The following GALNT13 variants were observed in gnomAD, a reference collection of about 807,000 sequenced individuals.
The protein encoded by GALNT13 is polypeptide N-acetylgalactosaminyltransferase 13, also known as UDP-GalNAc:polypeptide N-acetylgalactosaminyltransferase 13.
In GALNT13, 28 loss-of-function variants were observed where a neutral mutation model predicts 64.2. That is an observed-to-expected ratio of 0.44 (90% CI 0.32 to 0.60). GALNT13 has a LOEUF of 0.60. Ranked by LOEUF, GALNT13 falls within the 20% of genes least tolerant of loss-of-function variation. GALNT13 has a pLI of 0.05. For missense variants in GALNT13, 577 were observed against 669.8 expected, an observed-to-expected ratio of 0.86 and a Z score of 1.53; for synonymous variants, 214 against 224.6, an observed-to-expected ratio of 0.95 and a Z score of 0.42.
chr2:153,400,801 T>C, the GALNT13 span, among the ~76,000 whole-genome samples: 1 of 152,180 alleles, frequency 6.6e-6, no homozygotes, highest in African/African-American at 2.4e-5. Context: ...TTGTGTCTAT[T>C]TGATTCTTCT....
chr2:154,431,032 G>A lies in GALNT13; in HGVS notation c.1396-7560G>A, dbSNP rs537517920. Among the ~76,000 whole-genome samples the A allele has an allele frequency of 4.6e-5, 7 of 152,232 alleles. No individual in the cohort carries two copies. The South Asian group carries it at 1.5e-3, about 32-fold the overall frequency. ...GGGAACAAAAAAATTCATGTGCCTT[G>A]CTTTAAATGCGATACTTGTTTTATT... On this transcript the variant is annotated intron_variant, in intron 11 of 12. Coordinates refer to ENST00000392825, the MANE Select transcript of GALNT13 (RefSeq NM_052917.4).
the GALNT13 span, among the ~76,000 whole-genome samples, chr2:153,490,469 C>T: frequency 1.3e-5 from 2 of 152,132 alleles, no homozygotes; most frequent in East Asian, 1.9e-4. Flanking sequence ...CAACCTCTGC[C>T]TCCCAGGCTA....
intron 8 of GALNT13, among the ~76,000 whole-genome samples, chr2:154,299,455 C>CT (rs1188035624): frequency 0.17 from 22,293 of 131,536 alleles, 2,589 homozygotes; most frequent in East Asian, 0.29. Context: ...CAATGAAATA[C>CT]TTTTTTTTTT....
intron 3 of GALNT13, among the ~76,000 whole-genome samples, chr2:154,115,886 T>C (rs1282314715): frequency 6.6e-6 from 1 of 152,100 alleles, no homozygotes; most frequent in Non-Finnish European, 1.5e-5. Context: ...TTTCTGCTTA[T>C]ATATATTAGA....
the GALNT13 span, among the ~76,000 whole-genome samples, chr2:153,219,106 A>T: frequency 6.6e-6 from 1 of 152,232 alleles, no homozygotes; most frequent in Admixed American, 6.5e-5. Flanking sequence ...ATGGCCACCC[A>T]GTAAGATAAT....
the GALNT13 span, among the ~76,000 whole-genome samples, chr2:153,601,214 C>T: frequency 0.48 from 72,174 of 150,560 alleles, 18,537 homozygotes; most frequent in African/African-American, 0.66. Flanking sequence ...TAGAAACTTA[C>T]TTTCTGAATT....
the GALNT13 span, among the ~76,000 whole-genome samples, chr2:153,121,166 A>G: frequency 1.3e-5 from 2 of 152,222 alleles, no homozygotes; most frequent in African/African-American, 4.8e-5. Context: ...GTGTGCTGCA[A>G]GATAGACTTT....
At chr2:153,274,145 G>A in the GALNT13 span, among the ~76,000 whole-genome samples, 1 of 152,176 alleles carries the variant, frequency 6.6e-6, no homozygotes, top group African/African-American at 2.4e-5. Context: ...GGAGGTGGCA[G>A]TGAGCCGAGA....
intron 3 of GALNT13, among the ~76,000 whole-genome samples, chr2:154,022,620 A>G (rs1697599447): frequency 6.6e-6 from 1 of 151,842 alleles, no homozygotes; most frequent in Admixed American, 6.6e-5. Context: ...CGGTCTATCA[A>G]TTTTGTTGAT....
At chr2:153,828,658 G>T in the GALNT13 span, among the ~76,000 whole-genome samples, 3 of 152,170 alleles carry the variant, frequency 2.0e-5, no homozygotes, top group Non-Finnish European at 4.4e-5. Context: ...GAAGAGCTCT[G>T]ATATGCCCTG....
At chr2:153,521,068 A>G in the GALNT13 span, among the ~76,000 whole-genome samples, 7 of 152,184 alleles carry the variant, frequency 4.6e-5, no homozygotes, top group African/African-American at 1.7e-4. Flanking sequence ...TTTACTTTAA[A>G]GGAAGACAGT....
At chr2:153,613,944 T>C in the GALNT13 span, among the ~76,000 whole-genome samples, 1 of 151,928 alleles carries the variant, frequency 6.6e-6, no homozygotes, top group Non-Finnish European at 1.5e-5. Flanking sequence ...CACACCAACA[T>C]GGCACACGTA....
chr2:154,277,316 A>C (rs552746362), intron 8 of GALNT13, among the ~76,000 whole-genome samples: 2 of 152,164 alleles, frequency 1.3e-5, no homozygotes, highest in Non-Finnish European at 2.9e-5. Flanking sequence ...TTCAGTTAGG[A>C]AACCTACTGA....
the GALNT13 span, among the ~76,000 whole-genome samples, chr2:153,471,398 C>T: frequency 2.6e-5 from 4 of 152,072 alleles, no homozygotes; most frequent in Admixed American, 6.6e-5. Context: ...ACTCAGCCAG[C>T]GGACAGGATG....
intron 5 of GALNT13, 139 bp downstream of exon 5, chr2:154,242,335 C>A: frequency 2.9e-6 from 2 of 694,118 alleles, no homozygotes; most frequent in Non-Finnish European, 4.7e-6. Flanking sequence ...CTAGCCCTGC[C>A]ACAGCCTATC....
intron 9 of GALNT13, among the ~76,000 whole-genome samples, chr2:154,366,822 T>C (rs1334911903): frequency 6.6e-6 from 1 of 152,076 alleles, no homozygotes. Context: ...AAAAAGCAAG[T>C]CTAAGTTTCA....
At chr2:154,293,924 G>T (rs1005600228) in intron 8 of GALNT13, among the ~76,000 whole-genome samples, 3 of 152,008 alleles carry the variant, frequency 2.0e-5, no homozygotes, top group Non-Finnish European at 4.4e-5. Flanking sequence ...TTTTATTCTT[G>T]TATTAGCTTA....
At chr2:154,417,509 A>ATTTTTTT (rs1202687837) in intron 11 of GALNT13, among the ~76,000 whole-genome samples, 3 of 133,398 alleles carry the variant, frequency 2.2e-5, no homozygotes, top group East Asian at 2.4e-4. Context: ...TTATTTATTT[A>ATTTTTTT]TTTATTTATT....
In GALNT13 at chr2:154,306,618, T is replaced by TGGGG. The variant is rs70983716; in HGVS notation, c.1156+5036_1156+5039dup. Among the ~76,000 whole-genome samples, 943 of 126,324 alleles carry TGGGG rather than the reference T, an allele frequency of 7.5e-3. 9 individuals carry two copies. The highest frequency in any genetic ancestry group is 0.012 in the Middle Eastern group (3 of 250). The allele number at this position is 126,324 out of a possible 152,430, so 82.9% of individuals were successfully genotyped here. On this transcript the variant is annotated intron_variant, in intron 9 of 12. Transcript: ENST00000392825. ...ATCAAGGTTTTTAAGGATAATTTGG[T>TGGGG]GGGGGGGGGGTCAAGAAATGGGGAG...
Sources: allele counts gnomAD v4.1 joint callset (sites outside exome capture counted in the v4.1 genomes callset), GRCh38; gene constraint gnomAD v4.1.1; transcripts MANE v1.5; gene names NCBI Gene and HGNC (gene_info 2026-07-23, HGNC 2026-07-21).